CACNA2D4: variants seen among roughly 807,000 people sequenced by gnomAD.
CACNA2D4 encodes the protein calcium voltage-gated channel auxiliary subunit alpha2delta 4, also known as voltage-dependent calcium channel subunit alpha-2/delta-4.
Under a neutral mutation model 163.8 loss-of-function variants are expected in CACNA2D4, and 157 were observed. The ratio of observed to expected loss-of-function variants is 0.96; its 90% CI spans 0.84 to 1.09. The LOEUF is 1.09. Ranked by LOEUF, CACNA2D4 falls within the 50% of genes least tolerant of loss-of-function variation. CACNA2D4 has a pLI of 0.00. For missense variants in CACNA2D4, 1,410 were observed against 1,479.9 expected (o/e 0.95, Z 0.78); for synonymous variants, 598 against 586.9 (o/e 1.02, Z -0.27).
chr12:1,809,276 G>A (rs951733513), intron 29 of CACNA2D4: 8 of 524,996 alleles, frequency 1.5e-5, no homozygotes, highest in African/African-American at 3.8e-5. Flanking sequence ...CCTTGGCCAC[G>A]ACCTCTGCAT....
At chr12:1,868,751 C>A (rs150714017) in intron 18 of CACNA2D4, among the ~76,000 whole-genome samples, 160 of 152,180 alleles carry the variant, frequency 1.1e-3, no homozygotes, top group African/African-American at 3.7e-3. Flanking sequence ...CCTCCCATAT[C>A]CACAGGTTCC....
chr12:1,838,789 C>A (rs1864947745), intron 26 of CACNA2D4, among the ~76,000 whole-genome samples: 3 of 152,168 alleles, frequency 2.0e-5, no homozygotes, highest in South Asian at 4.1e-4. Context: ...CTGAGAAGGC[C>A]CCCATCACGT....
chr12:1,865,170 G>C (rs1296667507), intron 18 of CACNA2D4, among the ~76,000 whole-genome samples: 1 of 152,234 alleles, frequency 6.6e-6, no homozygotes, highest in African/African-American at 2.4e-5. Context: ...TGGCGGGGAA[G>C]GCGCGTCTTG....
rs376967040 is a variant in CACNA2D4 at position 1,799,640 on chromosome 12, C to G, written c.2995+35G>C. ...TAGCTCCTGCTGCGTCCCCAACCCA[C>G]CGCCAGCAGGGATGGCCTCAGCTGG... On this transcript the variant is annotated intron_variant, in intron 34 of 37. Coordinates refer to ENST00000382722, the MANE Select transcript of CACNA2D4 (RefSeq NM_172364.5). This position sits in a 1 kb window ranked among gnomAD's most constrained non-coding sequence, Gnocchi z 4.7. The G allele has an allele frequency of 1.0e-4, 159 of 1,559,438 alleles. No individual in the cohort carries two copies. The African/African-American group carries it at 2.0e-3, about 19-fold the overall frequency.
At position 1,825,556 on chromosome 12, in the gene CACNA2D4, T is replaced by C. The variant is rs141095919; in HGVS notation, c.2552-13833A>G. 3.6e-3 allele frequency among the ~76,000 whole-genome samples: 554 copies of C among 152,332 alleles called. 5 individuals carry two copies. Among genetic ancestry groups the C allele is most frequent in the African/African-American group, 0.013 (535 of 41,578 alleles). On this transcript the variant is annotated intron_variant, in intron 26 of 37. Transcript: ENST00000382722. ...GGCATCTCACTCAGCTGCCTGAGTG[T>C]TGGCATTTGAGAAGTGCTGGAGTGC...
At chr12:1,809,692 G>A in intron 29 of CACNA2D4, 1 of 630,720 alleles carries the variant, frequency 1.6e-6, no homozygotes, top group Non-Finnish European at 2.8e-6. Context: ...GCCAGCGGGG[G>A]CGGGGGGAGG....
chr12:1,796,920 CAG>C (rs1193168604), intron 35 of CACNA2D4, among the ~76,000 whole-genome samples: 23 of 152,352 alleles, frequency 1.5e-4, no homozygotes, highest in Admixed American at 1.2e-3. Context: ...GGAAGCCTGA[CAG>C]AGGCTGCCCG....
rs781712243 is a variant in CACNA2D4, at chr12:1,834,796, G to T, written c.2551+5943C>A. The T allele has an allele frequency of 4.1e-5, 61 of 1,486,738 alleles. No homozygotes were observed. Among genetic ancestry groups the T allele is most frequent in the Non-Finnish European group, 5.3e-5 (60 of 1,122,734 alleles). 92.1% of individuals were successfully genotyped at this position (1,486,738 alleles called of 1,614,324 possible). ...ATTGCTCAGCCACAGCTCCCACCTT[G>T]ACCCGGCGCTGGCCACTGCCTCCCC... On this transcript the variant is annotated intron_variant, in intron 26 of 37. Coordinates refer to ENST00000382722, the MANE Select transcript of CACNA2D4 (RefSeq NM_172364.5). The surrounding 1 kb of genome is among the most constrained non-coding windows in gnomAD (Gnocchi z 7.6).
chr12:1,834,749 A>G lies in CACNA2D4; in HGVS notation c.2551+5990T>C. Reference sequence around the variant, plus strand: ...GCCCATCCCCACCCGGCCAGGTAGGAAGGGCGGGGAGAGCACACGGCATTG... The same window carrying G: ...GCCCATCCCCACCCGGCCAGGTAGGGAGGGCGGGGAGAGCACACGGCATTG... On this transcript the variant is annotated intron_variant, in intron 26 of 37. Coordinates refer to ENST00000382722, the MANE Select transcript of CACNA2D4 (RefSeq NM_172364.5). The surrounding 1 kb of genome is among the most constrained non-coding windows in gnomAD (Gnocchi z 7.6). 2 of 1,560,246 alleles carry G rather than the reference A, an allele frequency of 1.3e-6. No homozygotes were observed. The highest frequency in any genetic ancestry group is 2.3e-5 in the East Asian group (1 of 44,344).
chr12:1,865,757 G>A (rs543517793), intron 18 of CACNA2D4, among the ~76,000 whole-genome samples: 2 of 152,330 alleles, frequency 1.3e-5, no homozygotes, highest in Admixed American at 1.3e-4. Context: ...GGCGCGGGGA[G>A]GCGGTTGCGG....
intron 23 of CACNA2D4, among the ~76,000 whole-genome samples, chr12:1,852,558 T>C (rs890493029): frequency 1.3e-5 from 2 of 152,236 alleles, no homozygotes; most frequent in African/African-American, 4.8e-5. Flanking sequence ...GCCTTTTCTA[T>C]ATCTTTGGAG....
At position 1,828,829 on chromosome 12, in the gene CACNA2D4, C is replaced by T. The variant is rs534953833; in HGVS notation, c.2551+11910G>A. On this transcript the variant is annotated intron_variant, in intron 26 of 37. Coordinates refer to ENST00000382722, the MANE Select transcript of CACNA2D4 (RefSeq NM_172364.5). This position sits in a 1 kb window ranked among gnomAD's most constrained non-coding sequence, Gnocchi z 4.2. ...TCCATTTACCAAAAAGGGGAGGAAG[C>T]GTGAATGAAGGCAACACTTGGCAGC... Among the ~76,000 whole-genome samples the T allele has an allele frequency of 6.3e-4, 96 of 152,302 alleles. No homozygotes were observed. Among genetic ancestry groups the T allele is most frequent in the African/African-American group, 2.1e-3 (89 of 41,564 alleles).
chr12:1,811,188 G>C (rs1450856460), intron 27 of CACNA2D4, among the ~76,000 whole-genome samples: 1 of 152,222 alleles, frequency 6.6e-6, no homozygotes, highest in African/African-American at 2.4e-5. Flanking sequence ...GGAGCTTGAG[G>C]GAGATGAAGG....
Position 1,828,909 on chromosome 12 carries a change from G to A in CACNA2D4, c.2551+11830C>T, listed in dbSNP as rs1309488546. Among the ~76,000 whole-genome samples the A allele has an allele frequency of 3.3e-5, 5 of 152,338 alleles. No individual in the cohort carries two copies. The highest frequency in any genetic ancestry group is 5.9e-5 in the Non-Finnish European group (4 of 68,032). ...TCTTTATATGTGGCAAAGGGACCAG[G>A]TCAGCAAGGGCTGGTCTGCCCAAGG... On this transcript the variant is annotated intron_variant, in intron 26 of 37. Transcript: ENST00000382722. The surrounding 1 kb of genome is among the most constrained non-coding windows in gnomAD (Gnocchi z 4.2).
chr12:1,853,834 GC>G (rs1435717082), intron 23 of CACNA2D4, 116 bp downstream of exon 23: 2 of 736,470 alleles, frequency 2.7e-6, no homozygotes, highest in Admixed American at 2.2e-5. Context: ...TTAATCTTAG[GC>G]CAAAGGACGT....
rs1171743085 is a variant in CACNA2D4 at position 1,816,795 on chromosome 12, GAC to G, written c.2552-5074_2552-5073del. Among the ~76,000 whole-genome samples the G allele has an allele frequency of 5.3e-5, 8 of 151,760 alleles. No homozygotes were observed. The East Asian group carries it at 9.7e-4, about 18-fold the overall frequency. ...GGACACACACATATATGCACACACG[GAC>G]ACACATGCATGCACACACACTTGCA... On this transcript the variant is annotated intron_variant, in intron 26 of 37. Transcript: ENST00000382722.
intron 31 of CACNA2D4, 183 bp downstream of exon 31, chr12:1,800,860 C>T (rs1863295814): frequency 3.2e-6 from 2 of 618,164 alleles, no homozygotes; most frequent in Non-Finnish European, 5.7e-6. Context: ...AAGCCAGACC[C>T]AGAGGCCTGC....
At chr12:1,852,240 C>G (rs1403509501) in intron 23 of CACNA2D4, among the ~76,000 whole-genome samples, 5 of 152,148 alleles carry the variant, frequency 3.3e-5, no homozygotes, top group African/African-American at 1.2e-4. Context: ...CTAATTCCTT[C>G]TGGCCTTGTT....
chr12:1,808,424 C>A (rs1215614712), intron 29 of CACNA2D4, among the ~76,000 whole-genome samples: 1 of 152,230 alleles, frequency 6.6e-6, no homozygotes, highest in Non-Finnish European at 1.5e-5. Context: ...ATTCACATTT[C>A]AGTATTCAAA....
Sources: allele counts gnomAD v4.1 joint callset (sites outside exome capture counted in the v4.1 genomes callset), GRCh38; gene constraint gnomAD v4.1.1; non-coding constraint Gnocchi (gnomAD v3.1); transcripts MANE v1.5; gene names NCBI Gene and HGNC (gene_info 2026-07-23, HGNC 2026-07-21).